Variants in GABRG1 observed in about 807,000 individuals in gnomAD.
GABRG1 encodes gamma-aminobutyric acid type A receptor subunit gamma1, also known as gamma-aminobutyric acid receptor subunit gamma-1.
Under a neutral mutation model 49.8 loss-of-function variants are expected in GABRG1, and 49 were observed. The observed-to-expected ratio is 0.98, with a 90% CI of 0.78 to 1.25. The LOEUF is 1.25. Ranked by LOEUF, GABRG1 falls within the 50% of genes most tolerant of loss-of-function variation. The pLI, the probability that GABRG1 is intolerant of heterozygous loss-of-function variation, is 0.00. For synonymous variants in GABRG1, 232 were observed against 185.1 expected (o/e 1.25, Z -2.06); for missense variants, 552 against 552.3 (o/e 1.00, Z 0.01).
intron 1 of GABRG1, among the ~76,000 whole-genome samples, chr4:46,103,426 G>T (rs551620713): frequency 1.3e-5 from 2 of 151,546 alleles, no homozygotes; most frequent in East Asian, 2.0e-4. Flanking sequence ...GGGTTAGTTA[G>T]TTGGTCATTA....
intron 1 of GABRG1, among the ~76,000 whole-genome samples, chr4:46,117,844 A>G (rs1387824063): frequency 1.0e-5 from 1 of 96,650 alleles, no homozygotes; most frequent in Non-Finnish European, 1.9e-5. Flanking sequence ...ATATGTATAC[A>G]TGTGTATCTA....
intron 3 of GABRG1, among the ~76,000 whole-genome samples, chr4:46,077,393 G>A (rs1000828442): frequency 2.0e-5 from 3 of 151,728 alleles, no homozygotes; most frequent in African/African-American, 7.3e-5. Context: ...ATAAAGCATT[G>A]GGTAAAACTA....
rs917857948 is a variant in GABRG1 at position 46,040,779 on chromosome 4, C to T, written c.*209G>A. The T allele has an allele frequency of 2.4e-5, 10 of 413,126 alleles. No homozygotes were observed. Among genetic ancestry groups the T allele is most frequent in the South Asian group, 6.7e-5 (1 of 14,924 alleles). 25.6% of individuals were successfully genotyped at this position (413,126 alleles called of 1,614,324 possible). A position where few individuals can be genotyped will look rare whatever the true frequency, so the allele number is the denominator to read the frequency against. On this transcript the variant is annotated 3_prime_UTR_variant, in exon 9 of 9. Coordinates refer to ENST00000295452, the MANE Select transcript of GABRG1 (RefSeq NM_173536.4). ...AAAAATATGTGAGTATTTTAACCTA[C>T]TGGATTTTGCAACTAATCAGTTTCA...
intron 2 of GABRG1, among the ~76,000 whole-genome samples, chr4:46,087,296 CA>C (rs1210638024): frequency 6.6e-6 from 1 of 151,488 alleles, no homozygotes; most frequent in Non-Finnish European, 1.5e-5. Context: ...GTTATTGAGA[CA>C]ATTGGGAAGT....
At chr4:46,048,092 A>C (rs942844611) in intron 8 of GABRG1, among the ~76,000 whole-genome samples, 4 of 152,050 alleles carry the variant, frequency 2.6e-5, no homozygotes, top group Admixed American at 2.6e-4. Flanking sequence ...AAGTTTCAAC[A>C]TAAACTACTC....
intron 2 of GABRG1, among the ~76,000 whole-genome samples, chr4:46,088,087 T>C (rs532146882): frequency 3.3e-5 from 5 of 152,220 alleles, no homozygotes; most frequent in East Asian, 1.9e-4. Context: ...AACATTTCTA[T>C]CATTTCAGTA....
Position 46,038,783 on chromosome 4 carries a change from A to C in GABRG1, c.*2205T>G, listed in dbSNP as rs1033043820. The C allele has an allele frequency of 6.6e-6, 1 of 151,728 alleles. No homozygotes were observed. Among genetic ancestry groups the C allele is most frequent in the African/African-American group, 2.4e-5 (1 of 41,422 alleles). The allele number at this position is 151,728 out of a possible 1,614,324, so 9.4% of individuals were successfully genotyped here. Reference sequence around the variant, plus strand: ...CAAAATACCACTTGCTTTGAAAACAAAGTGCTTGCTTGATGGTATATACAA... The same window carrying C: ...CAAAATACCACTTGCTTTGAAAACACAGTGCTTGCTTGATGGTATATACAA... On this transcript the variant is annotated 3_prime_UTR_variant, in exon 9 of 9. Coordinates refer to ENST00000295452, the MANE Select transcript of GABRG1 (RefSeq NM_173536.4).
In GABRG1 at chr4:46,111,823, C is replaced by A. The variant is rs532640464; in HGVS notation, c.104+11987G>T. 2.6e-3 allele frequency among the ~76,000 whole-genome samples: 400 copies of A among 151,324 alleles called. 1 individual carries two copies. The highest frequency in any genetic ancestry group is 9.0e-3 in the African/African-American group (372 of 41,412). On this transcript the variant is annotated intron_variant, in intron 1 of 8. Transcript: ENST00000295452. ...CTGAAATGGGACCCTTAACTTGCACCACATACAAAAATTGACTCATGATAG... is the reference window on the plus strand; with the variant it reads ...CTGAAATGGGACCCTTAACTTGCACAACATACAAAAATTGACTCATGATAG...
At chr4:46,116,059 A>G (rs1368445315) in intron 1 of GABRG1, among the ~76,000 whole-genome samples, 4 of 150,878 alleles carry the variant, frequency 2.7e-5, no homozygotes, top group Admixed American at 6.6e-5. Flanking sequence ...ATAAAACAGT[A>G]TAGCTTGCCA....
chr4:46,084,105 TA>T, intron 2 of GABRG1, 52 bp from the exon 3 acceptor site: 1 of 1,001,572 alleles, frequency 1.0e-6, no homozygotes, highest in South Asian at 1.5e-5. Context: ...GACATTGTTT[TA>T]AATAAATCTT....
intron 3 of GABRG1, 105 bp downstream of exon 3, chr4:46,083,881 T>A: frequency 1.4e-6 from 1 of 704,722 alleles, no homozygotes. Context: ...TGATCTGAAT[T>A]CATTCAGAAT....
intron 3 of GABRG1, among the ~76,000 whole-genome samples, chr4:46,081,364 G>C (rs1188714153): frequency 6.6e-6 from 1 of 151,788 alleles, no homozygotes; most frequent in Non-Finnish European, 1.5e-5. Context: ...TCCACAGCCA[G>C]TTCATATTTT....
At chr4:46,105,779 T>G (rs1443244436) in intron 1 of GABRG1, among the ~76,000 whole-genome samples, 2 of 129,684 alleles carry the variant, frequency 1.5e-5, no homozygotes, top group African/African-American at 6.0e-5. Flanking sequence ...GATGGATGGA[T>G]GGGTAGATAG....
chr4:46,082,229 G>T (rs1313671095), intron 3 of GABRG1, among the ~76,000 whole-genome samples: 2 of 151,644 alleles, frequency 1.3e-5, no homozygotes, highest in Non-Finnish European at 2.9e-5. Context: ...TTTATTCTAT[G>T]TATAAAACAT....
chr4:46,041,663 A>G (rs909028849), intron 8 of GABRG1, among the ~76,000 whole-genome samples: 5 of 152,056 alleles, frequency 3.3e-5, no homozygotes, highest in African/African-American at 1.2e-4. Flanking sequence ...AATAGCAAAG[A>G]AGACATTTTG....
At chr4:46,089,090 T>A (rs1719888869) in intron 2 of GABRG1, among the ~76,000 whole-genome samples, 1 of 151,962 alleles carries the variant, frequency 6.6e-6, no homozygotes, top group African/African-American at 2.4e-5. Flanking sequence ...AATAACTTGG[T>A]TAGCAGCGTC....
intron 8 of GABRG1, among the ~76,000 whole-genome samples, chr4:46,043,937 T>C (rs553814910): frequency 2.0e-5 from 3 of 152,062 alleles, no homozygotes; most frequent in African/African-American, 7.2e-5. Flanking sequence ...CATATAGTTA[T>C]TACTTATACC....
In GABRG1 at chr4:46,035,789, T is replaced by A. The variant is rs1404769027; in HGVS notation, c.*5199A>T. On this transcript the variant is annotated 3_prime_UTR_variant, in exon 9 of 9. Transcript: ENST00000295452. ...CACAATTTAAGAGAATGTGACTCTT[T>A]ATTTATAACAAGTTACTGGTATTTT... The A allele has an allele frequency of 7.2e-5, 11 of 151,976 alleles. No homozygotes were observed. Among genetic ancestry groups the A allele is most frequent in the Admixed American group, 3.9e-4 (6 of 15,224 alleles). 9.4% of individuals were successfully genotyped at this position (151,976 alleles called of 1,614,324 possible).
At chr4:46,110,826 A>T (rs1032424354) in intron 1 of GABRG1, among the ~76,000 whole-genome samples, 5 of 151,170 alleles carry the variant, frequency 3.3e-5, no homozygotes, top group Non-Finnish European at 7.4e-5. Flanking sequence ...CCCTCAAGAA[A>T]CTAAGACTTG....
Sources: gnomAD v4.1 joint callset for allele counts (sites outside exome capture counted in the v4.1 genomes callset) on GRCh38, gnomAD v4.1.1 for gene constraint, MANE v1.5 for transcripts, NCBI Gene and HGNC (gene_info 2026-07-23, HGNC 2026-07-21) for gene names.